The following DNAAF4 variants were observed in gnomAD, a reference collection of about 807,000 sequenced individuals.
DNAAF4 encodes the protein dynein assembly factor 4, axonemal.
A neutral mutation model predicts 51.8 loss-of-function variants in DNAAF4; 43 were observed. The observed-to-expected ratio is 0.83, with a 90% CI of 0.65 to 1.07. The LOEUF is 1.07. Among genes scored for constraint, DNAAF4 ranks in the 50% least tolerant of loss-of-function variants. The probability of loss-of-function intolerance (pLI) is 0.00; values close to 1 mark genes in which losing one functional copy is unlikely to be tolerated. For synonymous variants in DNAAF4, 194 were observed against 165.6 expected (o/e 1.17, Z -1.32); for missense variants, 581 against 493.0 (o/e 1.18, Z -1.69).
chr15:55,485,994 CA>C (rs55936805), intron 4 of DNAAF4, among the ~76,000 whole-genome samples: 16,117 of 77,422 alleles, frequency 0.21, 1,438 homozygotes, highest in African/African-American at 0.42. Flanking sequence ...GACTCCATCT[CA>C]AAAAAAAAAA....
intron 6 of DNAAF4, chr15:55,442,841 C>G: frequency 3.7e-6 from 6 of 1,612,872 alleles, no homozygotes; most frequent in Non-Finnish European, 5.1e-6. Context: ...ACGATTCCCC[C>G]AGCCATCATT....
At chr15:55,472,724 G>A (rs370414063) in intron 4 of DNAAF4, among the ~76,000 whole-genome samples, 88 of 152,250 alleles carry the variant, frequency 5.8e-4, no homozygotes, top group Non-Finnish European at 8.4e-4. Flanking sequence ...AAACTAATAC[G>A]AGAATAATGA....
chr15:55,493,713 C>CT (rs1268287638), intron 3 of DNAAF4, among the ~76,000 whole-genome samples: 1 of 151,742 alleles, frequency 6.6e-6, no homozygotes, highest in East Asian at 1.9e-4. Flanking sequence ...AGTTTGATTT[C>CT]TTTTTTTTGA....
At chr15:55,506,224 A>G (rs1322916671) in intron 1 of DNAAF4, among the ~76,000 whole-genome samples, 1 of 152,226 alleles carries the variant, frequency 6.6e-6, no homozygotes, top group African/African-American at 2.4e-5. Context: ...ATATATAGAG[A>G]AAAAGAAACA....
At chr15:55,491,689 ATAT>A (rs2058574145) in intron 3 of DNAAF4, among the ~76,000 whole-genome samples, 5 of 142,028 alleles carry the variant, frequency 3.5e-5, no homozygotes, top group African/African-American at 1.3e-4. Context: ...TTATATTATT[ATAT>A]AATAATATTA....
At chr15:55,475,940 G>C (rs1286325804) in intron 4 of DNAAF4, among the ~76,000 whole-genome samples, 1 of 152,142 alleles carries the variant, frequency 6.6e-6, no homozygotes, top group African/African-American at 2.4e-5. Flanking sequence ...AAATGAGAGA[G>C]CTACGGATGC....
rs959175056 is a variant in DNAAF4 at position 55,498,410 on chromosome 15, CGCCA to C, written c.-85_-82del. The C allele has an allele frequency of 2.0e-6, 3 of 1,534,572 alleles. No individual in the cohort carries two copies. The African/African-American group carries it at 4.2e-5, about 21-fold the overall frequency. ...TGCTAGGGAAGCTGGGGTTACCATG[CGCCA>C]GCCCTTCCGGGTCAGGCCGGCCGGG... On this transcript the variant is annotated 5_prime_UTR_variant, in exon 2 of 10. Coordinates refer to ENST00000321149, the MANE Select transcript of DNAAF4 (RefSeq NM_130810.4).
At chr15:55,481,861 T>C (rs1347285444) in intron 4 of DNAAF4, among the ~76,000 whole-genome samples, 1 of 152,100 alleles carries the variant, frequency 6.6e-6, no homozygotes, top group African/African-American at 2.4e-5. Context: ...ACCCCCTCTC[T>C]CCCCTATTGC....
In DNAAF4 at chr15:55,465,114, G is replaced by A. The variant is rs181238056; in HGVS notation, c.637+1816C>T. ...AAATGAAAAAATAACAGATGTTGGT[G>A]TAGATGTGGTGAAAAGGGACACTTT... On this transcript the variant is annotated intron_variant, in intron 5 of 9. Transcript: ENST00000321149. Among the ~76,000 whole-genome samples the A allele has an allele frequency of 2.0e-5, 3 of 152,274 alleles. No individual in the cohort carries two copies. The East Asian group carries it at 5.8e-4, about 29-fold the overall frequency.
Position 55,498,239 on chromosome 15 carries a change from T to C in DNAAF4, c.91A>G (p.Thr31Ala). Residue 31 changes from threonine (T) to alanine (A), a missense_variant, in exon 2 of 10, where the codon ACG becomes GCG. Coordinates refer to ENST00000321149, the MANE Select transcript of DNAAF4 (RefSeq NM_130810.4). The part of the protein sequence containing the change: ...LPLKGVCVRD[T>A]DVFCTENYLK... ...TAGTTTTCCGTGCAGAACACGTCCG[T>C]GTCTCTGACGCACACGCCTTTGAGG... is the stretch of plus-strand genomic sequence containing the variant. 3 of 1,614,012 alleles carry C rather than the reference T, an allele frequency of 1.9e-6. No individual in the cohort carries two copies. The highest frequency in any genetic ancestry group is 2.7e-5 in the African/African-American group (2 of 75,058).
intron 6 of DNAAF4, among the ~76,000 whole-genome samples, chr15:55,446,527 CA>C (rs2057821045): frequency 7.1e-6 from 1 of 140,674 alleles, no homozygotes; most frequent in Non-Finnish European, 1.5e-5. Flanking sequence ...CCTCACTTCC[CA>C]GACCGGGTGG....
chr15:55,497,754 T>C lies in DNAAF4; in HGVS notation c.229A>G (p.Lys77Glu), dbSNP rs759956885. Residue 77 changes from lysine (K) to glutamate (E), a missense_variant, in exon 3 of 10, where the codon AAA becomes GAA. Physicochemically the swap from Lys to Glu is moderately conservative, Grantham distance 56. Coordinates refer to ENST00000321149, the MANE Select transcript of DNAAF4 (RefSeq NM_130810.4). The part of the protein sequence containing the change: ...GNDTIVFTLY[K>E]KEAAMWETLS... ...GTCTCCCACATGGCCGCTTCTTTTTTATACAAGGTGAAGACAATGGTGTCA... is the reference window on the plus strand; with the variant it reads ...GTCTCCCACATGGCCGCTTCTTTTTCATACAAGGTGAAGACAATGGTGTCA... The C allele has an allele frequency of 1.2e-6, 2 of 1,613,780 alleles. No homozygotes were observed. Among genetic ancestry groups the C allele is most frequent in the East Asian group, 2.2e-5 (1 of 44,880 alleles).
Position 55,500,707 on chromosome 15 carries a change from A to G in DNAAF4, c.-255-2123T>C, listed in dbSNP as rs562442972. 2.0e-4 allele frequency among the ~76,000 whole-genome samples: 31 copies of G among 152,268 alleles called. No homozygotes were observed. In the East Asian group the frequency reaches 4.3e-3, roughly 21 times the overall value. On this transcript the variant is annotated intron_variant, in intron 1 of 9. Transcript: ENST00000321149. The stretch of plus-strand genomic sequence containing the variant: ...TGAATTATACCTTAAAAACTTGTCA[A>G]GTTGGCCGGGCGTGGTGGCTCATGC...
At chr15:55,435,126 A>C in intron 7 of DNAAF4, 68 bp from the exon 8 acceptor site, 2 of 1,491,802 alleles carry the variant, frequency 1.3e-6, no homozygotes, top group Non-Finnish European at 1.8e-6. Context: ...ATAATATCTA[A>C]TTGTATTTGA....
At chr15:55,419,798 A>G (rs888089015) in intron 7 of DNAAF4, among the ~76,000 whole-genome samples, 2 of 152,036 alleles carry the variant, frequency 1.3e-5, no homozygotes, top group East Asian at 3.9e-4. Context: ...GGAGTTTAAG[A>G]CCGACCGGCC....
intron 5 of DNAAF4, among the ~76,000 whole-genome samples, chr15:55,458,270 A>G (rs1405799587): frequency 2.0e-5 from 3 of 152,208 alleles, no homozygotes; most frequent in South Asian, 4.1e-4. Context: ...GTGAAAATCA[A>G]CTTAAAGAAA....
At chr15:55,481,489 G>A (rs753927094) in intron 4 of DNAAF4, among the ~76,000 whole-genome samples, 1 of 152,088 alleles carries the variant, frequency 6.6e-6, no homozygotes, top group Non-Finnish European at 1.5e-5. Flanking sequence ...TTCTCACCTA[G>A]AGAACATTAA....
chr15:55,483,675 G>T (rs2058442663), intron 4 of DNAAF4, among the ~76,000 whole-genome samples: 4 of 151,420 alleles, frequency 2.6e-5, no homozygotes, highest in African/African-American at 7.3e-5. Flanking sequence ...GGAGTAGCTG[G>T]GATTACAAGT....
chr15:55,447,377 G>A (rs1328484228), intron 6 of DNAAF4, among the ~76,000 whole-genome samples: 5 of 152,140 alleles, frequency 3.3e-5, no homozygotes, highest in South Asian at 2.1e-4. Context: ...ATGGGGTGGC[G>A]GCCAGGCAGA....
Sources: allele counts gnomAD v4.1 joint callset (sites outside exome capture counted in the v4.1 genomes callset), GRCh38; gene constraint gnomAD v4.1.1; transcripts MANE v1.5; gene names NCBI Gene and HGNC (gene_info 2026-07-23, HGNC 2026-07-21).